GK5: variants seen among roughly 807,000 people sequenced by gnomAD.
GK5 encodes ATP:glycerol 3-phosphotransferase 5.
In GK5, 39 loss-of-function variants were observed where a neutral mutation model predicts 77.3. That is an observed-to-expected ratio of 0.50 (90% confidence interval 0.39 to 0.66). GK5 has a LOEUF of 0.66. Among genes scored for constraint, GK5 ranks in the 30% least tolerant of loss-of-function variants. The pLI is 0.00. For missense variants in GK5, 487 were observed against 633.8 expected (o/e 0.77, Z 2.49); for synonymous variants, 211 against 208.0 (o/e 1.01, Z -0.13).
chr3:142,186,243 A>G lies in GK5; in HGVS notation c.706T>C (p.Ser236Pro), dbSNP rs1281979989. The G allele has an allele frequency of 1.2e-6, 2 of 1,606,542 alleles. No homozygotes were observed. The highest frequency in any genetic ancestry group is 3.3e-5 in the Admixed American group (2 of 59,980). ...YKMCWSGMIT[S>P]LISIPLSLLP... ...AGAGAAAGTGGTATCGAAATTAGAG[A>G]GGTAATCATCCCACTCCAACACATC... The change falls in exon 8 of 16, where the codon TCT becomes CCT. Residue 236 changes from serine (S) to proline (P), a missense_variant. By Grantham distance (74) the Ser-to-Pro change is moderately conservative. Transcript: ENST00000392993.
rs192247155 is a variant in GK5 at position 142,222,644 on chromosome 3, G to A, written c.147+2665C>T. Among the ~76,000 whole-genome samples, 180 of 147,918 alleles carry A rather than the reference G, an allele frequency of 1.2e-3. 2 individuals are homozygous for A. The highest frequency in any genetic ancestry group is 4.6e-3 in the African/African-American group (172 of 37,608). ...GTTTCTAGTCCTAGTGCAGTAACTCGTGCCTGTAATCCCAGAGCTTTAGGA... is the reference window on the plus strand; with the variant it reads ...GTTTCTAGTCCTAGTGCAGTAACTCATGCCTGTAATCCCAGAGCTTTAGGA... On this transcript the variant is annotated intron_variant, in intron 1 of 15. Transcript: ENST00000392993.
At position 142,162,395 on chromosome 3, in the gene GK5, A is replaced by G. The variant is rs759502285; in HGVS notation, c.*3227T>C. 5.9e-5 allele frequency: 9 copies of G among 152,188 alleles called. No individual in the cohort carries two copies. Among genetic ancestry groups the G allele is most frequent in the Non-Finnish European group, 1.3e-4 (9 of 68,036 alleles). The allele number at this position is 152,188 out of a possible 1,614,324, so 9.4% of individuals were successfully genotyped here. A position where few individuals can be genotyped will look rare whatever the true frequency, so the allele number is the denominator to read the frequency against. ...GCAGAGGTCAGGGATATTGCTAAACATCCTATAAAGTACAGCATAGCATCC... is the reference window on the plus strand; with the variant it reads ...GCAGAGGTCAGGGATATTGCTAAACGTCCTATAAAGTACAGCATAGCATCC... On this transcript the variant is annotated 3_prime_UTR_variant, in exon 16 of 16. Transcript: ENST00000392993.
chr3:142,195,862 A>G (rs2063926124), intron 5 of GK5, among the ~76,000 whole-genome samples: 1 of 152,044 alleles, frequency 6.6e-6, no homozygotes, highest in Non-Finnish European at 1.5e-5. Context: ...TCAATTGTCT[A>G]TTTTCCCCTT....
chr3:142,213,790 T>TG (rs1470390477), intron 2 of GK5, among the ~76,000 whole-genome samples, 189 bp from the exon 3 acceptor site: 2 of 152,174 alleles, frequency 1.3e-5, no homozygotes, highest in Non-Finnish European at 2.9e-5. Flanking sequence ...TTTTTTTACT[T>TG]GAAGAAAACA....
At chr3:142,209,476 A>T (rs1308245588) in intron 3 of GK5, among the ~76,000 whole-genome samples, 1 of 152,218 alleles carries the variant, frequency 6.6e-6, no homozygotes, top group Non-Finnish European at 1.5e-5. Flanking sequence ...AATAGCATAC[A>T]TTCCAATATT....
chr3:142,175,209 T>A (rs2063591535), intron 12 of GK5, among the ~76,000 whole-genome samples: 1 of 152,134 alleles, frequency 6.6e-6, no homozygotes, highest in Non-Finnish European at 1.5e-5. Context: ...CTCTAATACC[T>A]ATTTCAGTAT....
chr3:142,165,358 T>C lies in GK5; in HGVS notation c.*264A>G. ...AGGACCCATAACTGTCAAAATGTGG[T>C]TGGAAATGACTAATGTCCTTTGGAA... On this transcript the variant is annotated 3_prime_UTR_variant, in exon 16 of 16. Coordinates refer to ENST00000392993, the MANE Select transcript of GK5 (RefSeq NM_001039547.3). 2 of 299,322 alleles carry C rather than the reference T, an allele frequency of 6.7e-6. No homozygotes were observed. The highest frequency in any genetic ancestry group is 6.1e-6 in the Non-Finnish European group (1 of 165,266). The allele number at this position is 299,322 out of a possible 1,614,324, so 18.5% of individuals were successfully genotyped here.
chr3:142,197,791 G>A (rs901071987), intron 5 of GK5, among the ~76,000 whole-genome samples: 9 of 152,166 alleles, frequency 5.9e-5, no homozygotes, highest in Admixed American at 5.9e-4. Flanking sequence ...TTGGGAGGCT[G>A]AGGCAGGCAG....
intron 2 of GK5, 69 bp downstream of exon 2, chr3:142,215,530 G>C: frequency 1.3e-6 from 1 of 767,660 alleles, no homozygotes; most frequent in Non-Finnish European, 2.1e-6. Flanking sequence ...CACAACTACA[G>C]AAGCCTGAGG....
At chr3:142,195,851 T>G (rs994888339) in intron 5 of GK5, among the ~76,000 whole-genome samples, 5 of 152,214 alleles carry the variant, frequency 3.3e-5, no homozygotes, top group Admixed American at 3.3e-4. Flanking sequence ...ACTATTACTA[T>G]TCAATTGTCT....
rs890989690 is a variant in GK5 at position 142,164,629 on chromosome 3, G to A, written c.*993C>T. ...CCACACATACTCACAGGGATGAGTA[G>A]ACTGAACAAACATCAAAAAGACGCA... is the stretch of plus-strand genomic sequence containing the variant. On this transcript the variant is annotated 3_prime_UTR_variant, in exon 16 of 16. Coordinates refer to ENST00000392993, the MANE Select transcript of GK5 (RefSeq NM_001039547.3). 2.6e-5 allele frequency: 4 copies of A among 152,182 alleles called. No individual in the cohort carries two copies. The highest frequency in any genetic ancestry group is 5.9e-5 in the Non-Finnish European group (4 of 68,036). 9.4% of individuals were successfully genotyped at this position (152,182 alleles called of 1,614,324 possible).
chr3:142,216,003 T>G (rs545618012), intron 1 of GK5, among the ~76,000 whole-genome samples: 2 of 152,158 alleles, frequency 1.3e-5, no homozygotes, highest in African/African-American at 4.8e-5. Flanking sequence ...AAATAAATTT[T>G]AAAAAAAGTG....
At chr3:142,169,202 A>G (rs925221456) in intron 15 of GK5, among the ~76,000 whole-genome samples, 2 of 152,234 alleles carry the variant, frequency 1.3e-5, no homozygotes, top group African/African-American at 4.8e-5. Flanking sequence ...TTCTAATGCC[A>G]TAGGCAAACC....
At chr3:142,165,878 T>G in intron 15 of GK5, 108 bp from the exon 16 acceptor site, 1 of 657,586 alleles carries the variant, frequency 1.5e-6, no homozygotes, top group Non-Finnish European at 2.5e-6. Flanking sequence ...AAAAACTATT[T>G]TTAAAACAAT....
At position 142,187,344 on chromosome 3, in the gene GK5, C is replaced by T. The variant is rs75224220; in HGVS notation, c.619+360G>A. Among the ~76,000 whole-genome samples, 369 of 151,938 alleles carry T rather than the reference C, an allele frequency of 2.4e-3. 5 individuals are homozygous for T. The highest frequency in any genetic ancestry group is 0.019 in the East Asian group (99 of 5,174). The stretch of plus-strand genomic sequence containing the variant: ...TCTGACCAGGTGCAGTGGCTTACGC[C>T]TGTAATCCCAGCACTTTGGGAGGCT... On this transcript the variant is annotated intron_variant, in intron 6 of 15. Coordinates refer to ENST00000392993, the MANE Select transcript of GK5 (RefSeq NM_001039547.3).
intron 12 of GK5, among the ~76,000 whole-genome samples, chr3:142,173,632 G>C (rs149803981): frequency 2.0e-5 from 3 of 152,016 alleles, no homozygotes; most frequent in Non-Finnish European, 4.4e-5. Flanking sequence ...TGCAGCGAGC[G>C]GAGATGGCGC....
At chr3:142,185,049 G>A in intron 9 of GK5, 1 of 985,324 alleles carries the variant, frequency 1.0e-6, no homozygotes, top group Non-Finnish European at 1.2e-6. Flanking sequence ...TGCACATCTT[G>A]CAACAGGTGG....
Position 142,183,285 on chromosome 3 carries a change from T to G in GK5, c.817-236A>C, listed in dbSNP as rs553460346. 99 of 326,802 alleles carry G rather than the reference T, an allele frequency of 3.0e-4. 1 individual carries two copies. The highest frequency in any genetic ancestry group is 4.9e-4 in the Non-Finnish European group (89 of 181,046). 20.2% of individuals were successfully genotyped at this position (326,802 alleles called of 1,614,324 possible). On this transcript the variant is annotated intron_variant, in intron 9 of 15. Coordinates refer to ENST00000392993, the MANE Select transcript of GK5 (RefSeq NM_001039547.3). ...CATGCCTCAGGAATTGTTTTTATTT[T>G]GGTTTGTTGTTGTTTTGTTTTGTTT... is the stretch of plus-strand genomic sequence containing the variant.
At chr3:142,220,198 C>T (rs1030348634) in intron 1 of GK5, among the ~76,000 whole-genome samples, 9 of 152,058 alleles carry the variant, frequency 5.9e-5, no homozygotes, top group African/African-American at 1.4e-4. Flanking sequence ...AGAGCAGTGG[C>T]GCAATGTCAG....
Sources: gnomAD v4.1 joint callset for allele counts (sites outside exome capture counted in the v4.1 genomes callset) on GRCh38, gnomAD v4.1.1 for gene constraint, MANE v1.5 for transcripts, NCBI Gene and HGNC (gene_info 2026-07-23, HGNC 2026-07-21) for gene names.